The following SLC22A23 variants were observed in gnomAD, a reference collection of about 807,000 sequenced individuals.
SLC22A23 encodes solute carrier family 22 member 23.
SLC22A23 carries 26 observed loss-of-function variants against 61.0 expected under a neutral mutation model. The observed-to-expected ratio is 0.43, with a 90% CI of 0.31 to 0.59. The LOEUF is 0.59. SLC22A23 is among the 20% of genes least tolerant of loss of function. The pLI is 0.11. For synonymous variants in SLC22A23, 430 were observed against 413.9 expected (o/e 1.04, Z -0.47); for missense variants, 796 against 934.7 (o/e 0.85, Z 1.94).
At chr6:3,455,592 G>T (rs1772359060) in intron 1 of SLC22A23, among the ~76,000 whole-genome samples, 1 of 152,228 alleles carries the variant, frequency 6.6e-6, no homozygotes, top group South Asian at 2.1e-4. Context: ...GACCTTGAAC[G>T]ACGCCAGTCC....
intron 5 of SLC22A23, chr6:3,291,727 A>C (rs769224586): frequency 1.3e-5 from 2 of 152,256 alleles, no homozygotes; most frequent in Non-Finnish European, 2.9e-5. Flanking sequence ...CTTGGATCCA[A>C]TGATCTGAAT....
intron 1 of SLC22A23, among the ~76,000 whole-genome samples, chr6:3,432,828 C>T (rs951682883): frequency 6.6e-6 from 1 of 152,222 alleles, no homozygotes; most frequent in Non-Finnish European, 1.5e-5. Flanking sequence ...AAGGAGCAGG[C>T]AAATCAGGAG....
At chr6:3,284,481 CAG>C (rs1759780808) in intron 8 of SLC22A23, among the ~76,000 whole-genome samples, 1 of 152,248 alleles carries the variant, frequency 6.6e-6, no homozygotes, top group African/African-American at 2.4e-5. Context: ...CGCGCCAGGA[CAG>C]GGTCTGGCAC....
chr6:3,402,578 G>A (rs527946449), intron 3 of SLC22A23, among the ~76,000 whole-genome samples: 1 of 151,370 alleles, frequency 6.6e-6, no homozygotes, highest in Non-Finnish European at 1.5e-5. Flanking sequence ...TACCCAGAGT[G>A]CACTAGGCTC....
rs1766286357 is a variant in SLC22A23 at position 3,372,467 on chromosome 6, A to G, written c.913+37721T>C. ...GCAGGGCATGAGGAGAAGTCCAGGG[A>G]GATCTTTCTTACACTTGAGCTTTAC... On this transcript the variant is annotated intron_variant, in intron 3 of 9. Transcript: ENST00000406686. This position sits in a 1 kb window ranked among gnomAD's most constrained non-coding sequence, Gnocchi z 4.7. Among the ~76,000 whole-genome samples the G allele has an allele frequency of 6.6e-6, 1 of 152,210 alleles. No homozygotes were observed. Among genetic ancestry groups the G allele is most frequent in the Non-Finnish European group, 1.5e-5 (1 of 68,032 alleles).
chr6:3,272,875 T>A lies in SLC22A23; in HGVS notation c.*180A>T. 1 of 530,650 alleles carries A rather than the reference T, an allele frequency of 1.9e-6. No homozygotes were observed. Among genetic ancestry groups the A allele is most frequent in the Non-Finnish European group, 3.3e-6 (1 of 305,100 alleles). The allele number at this position is 530,650 out of a possible 1,614,324, so 32.9% of individuals were successfully genotyped here. A position where few individuals can be genotyped will look rare whatever the true frequency, so the allele number is the denominator to read the frequency against. On this transcript the variant is annotated 3_prime_UTR_variant, in exon 10 of 10. Coordinates refer to ENST00000406686, the MANE Select transcript of SLC22A23 (RefSeq NM_015482.2). ...TCTTGAAAGGGTTATTTCCAAAGAGTTTGTCTCCTCCGACCCGCGCTCCTT... is the reference window on the plus strand; with the variant it reads ...TCTTGAAAGGGTTATTTCCAAAGAGATTGTCTCCTCCGACCCGCGCTCCTT...
At chr6:3,416,908 G>A (rs1324545891) in intron 1 of SLC22A23, among the ~76,000 whole-genome samples, 1 of 152,188 alleles carries the variant, frequency 6.6e-6, no homozygotes, top group Non-Finnish European at 1.5e-5. Context: ...GATTGGAGGG[G>A]ATGGGGAACA....
chr6:3,368,615 A>C (rs1259425148), intron 3 of SLC22A23, among the ~76,000 whole-genome samples: 1 of 152,216 alleles, frequency 6.6e-6, no homozygotes, highest in Non-Finnish European at 1.5e-5. Flanking sequence ...TGGGCAATTT[A>C]ATTTGTAAGA....
At chr6:3,446,227 G>C (rs964033450) in intron 1 of SLC22A23, among the ~76,000 whole-genome samples, 1 of 152,172 alleles carries the variant, frequency 6.6e-6, no homozygotes, top group Admixed American at 6.5e-5. Context: ...CTCTCCCATG[G>C]TAAGGGCCAC....
intron 1 of SLC22A23, among the ~76,000 whole-genome samples, chr6:3,426,051 T>C (rs376014849): frequency 5.1e-4 from 77 of 152,344 alleles, no homozygotes; most frequent in African/African-American, 1.7e-3. Context: ...ATTGTTACAG[T>C]GACTAAACAA....
At chr6:3,440,553 A>G (rs902211509) in intron 1 of SLC22A23, among the ~76,000 whole-genome samples, 68 of 151,932 alleles carry the variant, frequency 4.5e-4, no homozygotes, top group African/African-American at 1.6e-3. Flanking sequence ...TAAAAAATAC[A>G]AAAATTAGCT....
intron 3 of SLC22A23, among the ~76,000 whole-genome samples, chr6:3,400,922 T>C (rs192367597): frequency 6.6e-5 from 10 of 152,354 alleles, no homozygotes; most frequent in Non-Finnish European, 1.2e-4. Context: ...TAAGCAAAAA[T>C]AGGCATTACC....
Position 3,272,473 on chromosome 6 carries a change from C to T in SLC22A23, c.*582G>A, listed in dbSNP as rs1380700679. ...GCGTCTGTGAGCTGCTTTCCCTGCA[C>T]ACGAACAGAAGCTCTTACCTTACAA... is the stretch of plus-strand genomic sequence containing the variant. On this transcript the variant is annotated 3_prime_UTR_variant, in exon 10 of 10. Transcript: ENST00000406686. The T allele has an allele frequency of 1.3e-5, 2 of 152,724 alleles. No homozygotes were observed. Among genetic ancestry groups the T allele is most frequent in the African/African-American group, 2.4e-5 (1 of 41,456 alleles). The allele number at this position is 152,724 out of a possible 1,614,324, so 9.5% of individuals were successfully genotyped here.
chr6:3,379,388 A>G (rs1766809649), intron 3 of SLC22A23, among the ~76,000 whole-genome samples: 1 of 152,182 alleles, frequency 6.6e-6, no homozygotes, highest in South Asian at 2.1e-4. Flanking sequence ...GATAAAGTTC[A>G]GAGTGTGCTT....
In SLC22A23 at chr6:3,283,908, A is replaced by G. The variant is rs1759720601; in HGVS notation, c.1647T>C (p.His549=). 13 of 1,611,900 alleles carry G rather than the reference A, an allele frequency of 8.1e-6. No homozygotes were observed. The highest frequency in any genetic ancestry group is 1.1e-5 in the South Asian group (1 of 91,054). The change falls in exon 9 of 10, where the codon CAT becomes CAC. Residue 549 remains histidine, a synonymous_variant. Coordinates refer to ENST00000406686, the MANE Select transcript of SLC22A23 (RefSeq NM_015482.2). ...AGAACACGCTGAGGCTCCCCACCGC[A>G]TGGGAGGCAAACATGCCCACGATGG... ...AFSIVGMFAS[H]AVGSLSVFFC...
intron 1 of SLC22A23, among the ~76,000 whole-genome samples, 180 bp downstream of exon 1, chr6:3,455,726 C>A (rs191732091): frequency 1.3e-3 from 201 of 152,320 alleles, no homozygotes; most frequent in African/African-American, 4.4e-3. Context: ...CTATGGTGCT[C>A]CCTTTACACC....
chr6:3,433,479 G>GA (rs34135906), intron 1 of SLC22A23, among the ~76,000 whole-genome samples: 46,197 of 152,106 alleles, frequency 0.3, 8,159 homozygotes, highest in East Asian at 0.48. Context: ...AAAAGAAAAA[G>GA]AGGAAACTTG....
At position 3,333,030 on chromosome 6, in the gene SLC22A23, G is replaced by A. The variant is rs552084085; in HGVS notation, c.914-9028C>T. Among the ~76,000 whole-genome samples, 133 of 152,232 alleles carry A rather than the reference G, an allele frequency of 8.7e-4. No individual in the cohort carries two copies. Among genetic ancestry groups the A allele is most frequent in the African/African-American group, 2.9e-3 (122 of 41,526 alleles). On this transcript the variant is annotated intron_variant, in intron 3 of 9. Transcript: ENST00000406686. The surrounding 1 kb of genome is among the most constrained non-coding windows in gnomAD (Gnocchi z 4.1). ...AGCGTATCGCAGCTGGTGCCTGTGC[G>A]TCACGGTGCTGCCCCGCAGGAGGTC...
chr6:3,444,074 G>C (rs1317087579), intron 1 of SLC22A23, among the ~76,000 whole-genome samples: 1 of 152,178 alleles, frequency 6.6e-6, no homozygotes, highest in Non-Finnish European at 1.5e-5. Context: ...AGACCGAAGA[G>C]AGGTCTGACA....
Sources: gnomAD v4.1 joint callset for allele counts (sites outside exome capture counted in the v4.1 genomes callset) on GRCh38, gnomAD v4.1.1 for gene constraint, Gnocchi (gnomAD v3.1) non-coding constraint, MANE v1.5 for transcripts, NCBI Gene and HGNC (gene_info 2026-07-23, HGNC 2026-07-21) for gene names.